The following KCNH7 variants were observed in gnomAD, a reference collection of about 807,000 sequenced individuals.
The protein encoded by KCNH7 is potassium voltage-gated channel subfamily H member 7.
In KCNH7, 49 loss-of-function variants were observed where a neutral mutation model predicts 120.8. The observed-to-expected ratio is 0.41, with a 90% confidence interval of 0.32 to 0.51. The LOEUF (loss-of-function observed/expected upper bound fraction) is 0.51. Ranked by LOEUF, KCNH7 falls within the 20% of genes least tolerant of loss-of-function variation. The pLI is 0.38. For missense variants in KCNH7, 1,097 were observed against 1,446.6 expected (o/e 0.76, Z 3.92); for synonymous variants, 547 against 516.1 (o/e 1.06, Z -0.81).
chr2:162,438,145 G>T (rs1023468378), intron 7 of KCNH7, among the ~76,000 whole-genome samples: 1 of 152,026 alleles, frequency 6.6e-6, no homozygotes, highest in Non-Finnish European at 1.5e-5. Context: ...CCAAATAGTT[G>T]GTTAAATGAA....
chr2:162,498,465 ACT>A (rs1173978952), intron 6 of KCNH7, among the ~76,000 whole-genome samples: 1 of 118,648 alleles, frequency 8.4e-6, no homozygotes. Context: ...GAATCTACCC[ACT>A]GCCCAATGTG....
In KCNH7 at chr2:162,537,151, T is replaced by G. The variant is rs1692136277; in HGVS notation, c.308-71A>C. 4.2e-6 allele frequency: 5 copies of G among 1,198,306 alleles called. No homozygotes were observed. In the Admixed American group the frequency reaches 1.1e-4, roughly 26 times the overall value. The allele number at this position is 1,198,306 out of a possible 1,614,324, so 74.2% of individuals were successfully genotyped here. On this transcript the variant is annotated intron_variant, in intron 2 of 15. Transcript: ENST00000332142. Reference sequence around the variant, plus strand: ...CTGAACTATCAAGTAACATTAAAATTGAAATATACTCTTAAGGAAATTTGT... The same window carrying G: ...CTGAACTATCAAGTAACATTAAAATGGAAATATACTCTTAAGGAAATTTGT...
chr2:162,609,004 A>G (rs1003643213), intron 2 of KCNH7, among the ~76,000 whole-genome samples: 1 of 152,144 alleles, frequency 6.6e-6, no homozygotes, highest in African/African-American at 2.4e-5. Flanking sequence ...CTTTGATTCA[A>G]TTTGATAATG....
intron 2 of KCNH7, among the ~76,000 whole-genome samples, chr2:162,604,079 A>G (rs890641302): frequency 6.6e-6 from 1 of 152,128 alleles, no homozygotes; most frequent in Non-Finnish European, 1.5e-5. Flanking sequence ...GAGTTTACTA[A>G]CTTAGCTAGA....
chr2:162,591,012 G>A (rs1559032989), intron 2 of KCNH7, among the ~76,000 whole-genome samples: 1 of 151,898 alleles, frequency 6.6e-6, no homozygotes. Flanking sequence ...TTCTGTTCCT[G>A]GGATATACTC....
At chr2:162,621,252 C>CTTTATTT (rs1683345125) in intron 2 of KCNH7, among the ~76,000 whole-genome samples, 1 of 52,114 alleles carries the variant, frequency 1.9e-5, no homozygotes, top group Non-Finnish European at 3.3e-5. Context: ...GTATCATCAT[C>CTTTATTT]TTTTTTTTTT....
intron 6 of KCNH7, among the ~76,000 whole-genome samples, chr2:162,450,395 G>T (rs553525097): frequency 6.6e-6 from 1 of 151,952 alleles, no homozygotes; most frequent in African/African-American, 2.4e-5. Flanking sequence ...CAAATGTTAT[G>T]GTACTGGTTC....
intron 2 of KCNH7, among the ~76,000 whole-genome samples, chr2:162,589,283 C>CA (rs1328800387): frequency 2.0e-5 from 3 of 151,970 alleles, no homozygotes; most frequent in African/African-American, 7.2e-5. Context: ...ATTTACTGAA[C>CA]AAAACCCCAC....
At chr2:162,669,992 C>A (rs963692832) in intron 2 of KCNH7, among the ~76,000 whole-genome samples, 4 of 151,788 alleles carry the variant, frequency 2.6e-5, no homozygotes, top group Non-Finnish European at 4.4e-5. Context: ...CCCAGCTACT[C>A]GGGAGGCTGA....
At chr2:162,740,561 T>C (rs573550943) in intron 2 of KCNH7, among the ~76,000 whole-genome samples, 138 of 152,316 alleles carry the variant, frequency 9.1e-4, no homozygotes, top group Middle Eastern at 3.4e-3. Flanking sequence ...AGGCACAGAA[T>C]ACAGAAAACT....
At chr2:162,391,087 AAC>A (rs1686732204) in intron 12 of KCNH7, among the ~76,000 whole-genome samples, 1 of 151,906 alleles carries the variant, frequency 6.6e-6, no homozygotes, top group African/African-American at 2.4e-5. Context: ...AGTGCCCAGA[AAC>A]ACAGTCTTCT....
intron 12 of KCNH7, among the ~76,000 whole-genome samples, chr2:162,388,213 A>G (rs1686634316): frequency 6.6e-6 from 1 of 151,900 alleles, no homozygotes; most frequent in African/African-American, 2.4e-5. Context: ...TAAAGAAAAG[A>G]TGGATATTGG....
In KCNH7 at chr2:162,838,448, C is replaced by T. The variant is rs767394901; in HGVS notation, c.71G>A (p.Gly24Glu). Reference sequence around the variant, plus strand: ...AAGAGAACAAACGAACTTACTTTGCCCTTCAAATTTCCGAATGATGGTCCC... The same window carrying T: ...AAGAGAACAAACGAACTTACTTTGCTCTTCAAATTTCCGAATGATGGTCCC... ...FLGTIIRKFE[G>E]QNKKFIIANA... The change falls in exon 1 of 16, where the codon GGG becomes GAG. Residue 24 changes from glycine (G) to glutamate (E), a missense_variant. Gly to Glu is a moderately conservative substitution (Grantham distance 98, BLOSUM62 -2). Coordinates refer to ENST00000332142, the MANE Select transcript of KCNH7 (RefSeq NM_033272.4). 2.5e-6 allele frequency: 4 copies of T among 1,613,180 alleles called. No homozygotes were observed. In the East Asian group the frequency reaches 8.9e-5, roughly 36 times the overall value.
At chr2:162,427,261 T>C (rs1426782098) in intron 8 of KCNH7, among the ~76,000 whole-genome samples, 5 of 152,108 alleles carry the variant, frequency 3.3e-5, no homozygotes, top group Admixed American at 3.3e-4. Flanking sequence ...CTGAGTTGTG[T>C]GGTACATTTA....
chr2:162,643,523 T>A (rs1684238396), intron 2 of KCNH7, among the ~76,000 whole-genome samples: 1 of 151,846 alleles, frequency 6.6e-6, no homozygotes, highest in Non-Finnish European at 1.5e-5. Flanking sequence ...GAAAAATGAT[T>A]AACCGCCGGG....
At chr2:162,608,624 C>A (rs981798942) in intron 2 of KCNH7, among the ~76,000 whole-genome samples, 1 of 152,160 alleles carries the variant, frequency 6.6e-6, no homozygotes. Context: ...AATGGTCCCA[C>A]CTAACATCCG....
chr2:162,819,265 A>G (rs1162725473), intron 2 of KCNH7, among the ~76,000 whole-genome samples: 1 of 152,216 alleles, frequency 6.6e-6, no homozygotes, highest in Non-Finnish European at 1.5e-5. Context: ...TGGTTATATT[A>G]AAGAATTTCC....
intron 14 of KCNH7, among the ~76,000 whole-genome samples, chr2:162,374,100 TGTG>T (rs1686071232): frequency 6.6e-6 from 1 of 152,252 alleles, no homozygotes; most frequent in Non-Finnish European, 1.5e-5. Flanking sequence ...TAATTTCTTA[TGTG>T]TTTTTACATT....
At chr2:162,616,895 T>A (rs1683157111) in intron 2 of KCNH7, among the ~76,000 whole-genome samples, 1 of 152,190 alleles carries the variant, frequency 6.6e-6, no homozygotes, top group African/African-American at 2.4e-5. Flanking sequence ...AAATTGATTT[T>A]AAAGAGGAGC....
Sources: gnomAD v4.1 joint callset for allele counts (sites outside exome capture counted in the v4.1 genomes callset) on GRCh38, gnomAD v4.1.1 for gene constraint, MANE v1.5 for transcripts, NCBI Gene and HGNC (gene_info 2026-07-23, HGNC 2026-07-21) for gene names.